HDAC9: variants seen among roughly 807,000 people sequenced by gnomAD.
HDAC9 encodes histone deacetylase 9, also known as MEF-2 interacting transcription repressor (MITR) protein.
Under a neutral mutation model 139.4 loss-of-function variants are expected in HDAC9, and 41 were observed. The ratio of observed to expected loss-of-function variants is 0.29; its 90% CI spans 0.23 to 0.38. HDAC9 has a LOEUF of 0.38. Ranked by LOEUF, HDAC9 falls within the 10% of genes least tolerant of loss-of-function variation. HDAC9 has a pLI of 1.00. For synonymous variants in HDAC9, 517 were observed against 476.2 expected (o/e 1.09, Z -1.12); for missense variants, 1,147 against 1,297.0 (o/e 0.88, Z 1.78).
intron 1 of HDAC9, among the ~76,000 whole-genome samples, chr7:18,139,099 C>A: frequency 1.3e-5 from 2 of 149,288 alleles, no homozygotes; most frequent in African/African-American, 4.9e-5. Context: ...TGGGTATCAC[C>A]ATCATATAAT....
chr7:18,790,255 A>C (rs1261614845), intron 16 of HDAC9, among the ~76,000 whole-genome samples: 1 of 152,170 alleles, frequency 6.6e-6, no homozygotes, highest in African/African-American at 2.4e-5. Flanking sequence ...GTGTGCCCTC[A>C]AAATTTATGT....
chr7:18,526,110 G>T (rs1806818967), intron 2 of HDAC9, among the ~76,000 whole-genome samples: 2 of 152,126 alleles, frequency 1.3e-5, no homozygotes, highest in South Asian at 2.1e-4. Flanking sequence ...CATAGGAAAG[G>T]TTCACAAAGC....
At chr7:18,217,781 A>G (rs1028548742) in intron 2 of HDAC9, among the ~76,000 whole-genome samples, 4 of 152,234 alleles carry the variant, frequency 2.6e-5, no homozygotes, top group African/African-American at 9.6e-5. Context: ...ATAGAGAAAC[A>G]TGCTTAGCTA....
intron 13 of HDAC9, among the ~76,000 whole-genome samples, chr7:18,735,449 A>G (rs1208223924): frequency 1.3e-5 from 2 of 152,164 alleles, no homozygotes; most frequent in Non-Finnish European, 2.9e-5. Context: ...AGCTTTCTAC[A>G]TATGTCTAGC....
intron 1 of HDAC9, among the ~76,000 whole-genome samples, chr7:18,360,460 A>G (rs1206462951): frequency 6.6e-6 from 1 of 151,998 alleles, no homozygotes. Context: ...CTTTTCCCCT[A>G]CACTTTCTGA....
intron 12 of HDAC9, among the ~76,000 whole-genome samples, chr7:18,724,093 G>C (rs1332906277): frequency 6.6e-6 from 1 of 151,964 alleles, no homozygotes; most frequent in East Asian, 1.9e-4. Context: ...TTTGTCACCT[G>C]GTTAATTCCA....
chr7:18,316,304 A>G (rs1799632801), intron 1 of HDAC9, among the ~76,000 whole-genome samples: 1 of 152,210 alleles, frequency 6.6e-6, no homozygotes, highest in Non-Finnish European at 1.5e-5. Flanking sequence ...TAAAGTTTGT[A>G]TTAACAGAAT....
intron 1 of HDAC9, among the ~76,000 whole-genome samples, chr7:18,392,756 A>C (rs79057850): frequency 6.6e-6 from 1 of 152,024 alleles, no homozygotes; most frequent in African/African-American, 2.4e-5. Flanking sequence ...CATTCTTCAC[A>C]TGGGAGGGGT....
intron 22 of HDAC9, among the ~76,000 whole-genome samples, chr7:18,917,689 C>G (rs1323008093): frequency 6.6e-6 from 1 of 151,992 alleles, no homozygotes; most frequent in South Asian, 2.1e-4. Context: ...TAAATAAGTA[C>G]ATTTTTTTCA....
In HDAC9 at chr7:18,378,331, T is replaced by G. The variant is rs901810619; in HGVS notation, c.-42+87816T>G. On this transcript the variant is annotated intron_variant, in intron 1 of 3. Coordinates refer to the HDAC9 transcript ENST00000413509. ...GAGTAATTAATTTAGTATGTGTTTG[T>G]TTATATCCGTGTATGTATTATATTA... Among the ~76,000 whole-genome samples the G allele has an allele frequency of 4.6e-5, 7 of 152,124 alleles. No individual in the cohort carries two copies. In the South Asian group the frequency reaches 1.4e-3, roughly 31 times the overall value.
At chr7:18,728,763 C>G (rs958068764) in intron 13 of HDAC9, among the ~76,000 whole-genome samples, 2 of 152,158 alleles carry the variant, frequency 1.3e-5, no homozygotes, top group Admixed American at 6.5e-5. Flanking sequence ...TTTCTAAAAC[C>G]ATATTCCCAA....
At position 18,129,121 on chromosome 7, in the gene HDAC9, T is replaced by A. The variant is rs558833880; in HGVS notation, c.-96-33108T>A. 2.2e-4 allele frequency among the ~76,000 whole-genome samples: 33 copies of A among 152,272 alleles called. 1 individual carries two copies. In the South Asian group the frequency reaches 6.4e-3, roughly 30 times the overall value. On this transcript the variant is annotated intron_variant, in intron 1 of 12. Coordinates refer to the HDAC9 transcript ENST00000417496. ...AGACTGGGATTTGACTCTCGTGTCT[T>A]CCTCTTACCTACTATTTGTATGGCT...
chr7:18,673,016 A>ATTCCT (rs1176342240), intron 12 of HDAC9, among the ~76,000 whole-genome samples: 1 of 151,906 alleles, frequency 6.6e-6, no homozygotes, highest in Admixed American at 6.6e-5. Flanking sequence ...GATGTTTATT[A>ATTCCT]TTCCTTTTTT....
intron 2 of HDAC9, among the ~76,000 whole-genome samples, chr7:18,210,448 A>G (rs1791857138): frequency 6.6e-6 from 1 of 152,158 alleles, no homozygotes; most frequent in Non-Finnish European, 1.5e-5. Context: ...AACTTTTAAT[A>G]TTTTTCAAAT....
intron 1 of HDAC9, among the ~76,000 whole-genome samples, chr7:18,335,729 A>G (rs1470314461): frequency 6.6e-6 from 1 of 151,570 alleles, no homozygotes; most frequent in African/African-American, 2.4e-5. Flanking sequence ...GAAGTAAAGA[A>G]AAAGGCAGGA....
At chr7:18,921,364 C>A (rs1346689819) in intron 22 of HDAC9, among the ~76,000 whole-genome samples, 6 of 152,008 alleles carry the variant, frequency 3.9e-5, no homozygotes, top group Admixed American at 6.6e-5. Flanking sequence ...AGAATCTACA[C>A]TGAACTCAAC....
intron 1 of HDAC9, among the ~76,000 whole-genome samples, chr7:18,296,330 A>G (rs1235446971): frequency 6.6e-6 from 1 of 152,170 alleles, no homozygotes; most frequent in Non-Finnish European, 1.5e-5. Context: ...AACATTTAAT[A>G]GATTAATTTT....
At chr7:18,812,721 C>G (rs996794483) in intron 17 of HDAC9, among the ~76,000 whole-genome samples, 1 of 151,532 alleles carries the variant, frequency 6.6e-6, no homozygotes, top group Non-Finnish European at 1.5e-5. Context: ...GCTAATATTT[C>G]TTCAAACACA....
At chr7:18,543,218 C>T (rs1219979096) in intron 2 of HDAC9, 1 of 152,138 alleles carries the variant, frequency 6.6e-6, no homozygotes, top group African/African-American at 2.4e-5. Flanking sequence ...TCTGATACAT[C>T]ATAAATAGAG....
Sources: gnomAD v4.1 joint callset for allele counts (sites outside exome capture counted in the v4.1 genomes callset) on GRCh38, gnomAD v4.1.1 for gene constraint, MANE v1.5 for transcripts, NCBI Gene and HGNC (gene_info 2026-07-23, HGNC 2026-07-21) for gene names.